Variants in MED12L observed in about 807,000 individuals in gnomAD.
The protein encoded by MED12L is mediator complex subunit 12L.
MED12L carries 60 observed loss-of-function variants against 281.3 expected under a neutral mutation model. The ratio of observed to expected loss-of-function variants is 0.21; its 90% CI spans 0.17 to 0.26. The LOEUF is 0.26. Among genes scored for constraint, MED12L ranks in the 10% least tolerant of loss-of-function variants. The probability of loss-of-function intolerance (pLI) is 1.00; values close to 1 mark genes in which losing one functional copy is unlikely to be tolerated. For synonymous variants in MED12L, 974 were observed against 987.2 expected (o/e 0.99, Z 0.25); for missense variants, 2,146 against 2,680.9 (o/e 0.80, Z 4.41).
intron 38 of MED12L, among the ~76,000 whole-genome samples, chr3:151,391,600 CAAAA>C (rs1164704295): frequency 6.6e-6 from 1 of 151,824 alleles, no homozygotes; most frequent in Non-Finnish European, 1.5e-5. Context: ...AAAAGAATCA[CAAAA>C]AAAACTCGTA....
chr3:151,162,135 T>C (rs1395736674), intron 8 of MED12L, among the ~76,000 whole-genome samples: 2 of 152,208 alleles, frequency 1.3e-5, no homozygotes, highest in Admixed American at 1.3e-4. Context: ...AATGTATTTT[T>C]GGGCTAAGAG....
chr3:151,228,826 A>T (rs1006454644), intron 16 of MED12L, among the ~76,000 whole-genome samples: 2 of 152,050 alleles, frequency 1.3e-5, no homozygotes, highest in African/African-American at 2.4e-5. Flanking sequence ...GAATTACTGA[A>T]TTTTTTCCAG....
At chr3:151,170,223 G>GT (rs1352005022) in intron 11 of MED12L, among the ~76,000 whole-genome samples, 1 of 151,892 alleles carries the variant, frequency 6.6e-6, no homozygotes, top group Non-Finnish European at 1.5e-5. Context: ...GCCAGGCTAT[G>GT]TGGTGTGCCT....
chr3:151,426,717 G>A (rs1718917506), intron 43 of MED12L, among the ~76,000 whole-genome samples: 1 of 151,920 alleles, frequency 6.6e-6, no homozygotes, highest in African/African-American at 2.4e-5. Context: ...ATATTGTTAT[G>A]TTTAGTACCT....
chr3:151,093,679 G>A (rs916867631), intron 2 of MED12L, among the ~76,000 whole-genome samples: 1 of 152,236 alleles, frequency 6.6e-6, no homozygotes, highest in Non-Finnish European at 1.5e-5. Flanking sequence ...TATAGCAGAG[G>A]AGAGTTTTAT....
chr3:151,406,947 G>A (rs543192968), intron 39 of MED12L, among the ~76,000 whole-genome samples: 7 of 151,964 alleles, frequency 4.6e-5, no homozygotes, highest in Non-Finnish European at 1.0e-4. Context: ...CTACAGGCAC[G>A]TGTCAGCACA....
chr3:151,101,078 T>G (rs976665664), intron 2 of MED12L, among the ~76,000 whole-genome samples: 2 of 152,208 alleles, frequency 1.3e-5, no homozygotes, highest in African/African-American at 4.8e-5. Context: ...ACTCTTAGTT[T>G]TTGCACATTT....
intron 16 of MED12L, among the ~76,000 whole-genome samples, chr3:151,342,281 A>G (rs1751953965): frequency 6.6e-6 from 1 of 151,982 alleles, no homozygotes; most frequent in African/African-American, 2.4e-5. Flanking sequence ...GCAGAAACAC[A>G]CCTCCCTGGT....
chr3:151,119,945 G>A (rs897131172), intron 3 of MED12L, among the ~76,000 whole-genome samples: 1 of 151,824 alleles, frequency 6.6e-6, no homozygotes, highest in African/African-American at 2.4e-5. Context: ...CTGGCCGTGT[G>A]TGGTGGCTCA....
intron 16 of MED12L, among the ~76,000 whole-genome samples, chr3:151,236,381 T>C (rs556238316): frequency 6.6e-5 from 10 of 152,222 alleles, no homozygotes; most frequent in Non-Finnish European, 1.2e-4. Flanking sequence ...ATTAGAATAA[T>C]CATAATTCTT....
intron 5 of MED12L, among the ~76,000 whole-genome samples, chr3:151,140,327 C>A (rs1338320425): frequency 6.6e-6 from 1 of 152,174 alleles, no homozygotes; most frequent in African/African-American, 2.4e-5. Context: ...TAACTCAATG[C>A]ACATTGTTGT....
intron 2 of MED12L, among the ~76,000 whole-genome samples, chr3:151,093,753 G>A (rs1408218130): frequency 2.6e-5 from 4 of 152,166 alleles, no homozygotes; most frequent in Non-Finnish European, 5.9e-5. Flanking sequence ...GGGTATAAGC[G>A]AGCAGGTCTT....
intron 5 of MED12L, among the ~76,000 whole-genome samples, chr3:151,139,564 C>A (rs979700644): frequency 3.9e-5 from 6 of 152,132 alleles, no homozygotes; most frequent in Non-Finnish European, 7.4e-5. Flanking sequence ...CCAAGTTTTC[C>A]TTCATAGTAT....
intron 2 of MED12L, among the ~76,000 whole-genome samples, chr3:151,101,932 G>A (rs1374035833): frequency 6.6e-6 from 1 of 152,102 alleles, no homozygotes; most frequent in Non-Finnish European, 1.5e-5. Flanking sequence ...AAGGAAGAGA[G>A]GAGAATAGAC....
intron 31 of MED12L, 85 bp downstream of exon 31, chr3:151,378,258 T>TG: frequency 4.7e-6 from 6 of 1,282,556 alleles, no homozygotes; most frequent in Non-Finnish European, 6.2e-6. Context: ...GTGGTCACTG[T>TG]ACCCACAGTC....
At chr3:151,353,241 G>C (rs1248793316) in intron 17 of MED12L, among the ~76,000 whole-genome samples, 1 of 152,140 alleles carries the variant, frequency 6.6e-6, no homozygotes, top group African/African-American at 2.4e-5. Context: ...CACTTTTAAG[G>C]CATTTTGTGC....
intron 36 of MED12L, among the ~76,000 whole-genome samples, 164 bp downstream of exon 36, chr3:151,385,355 A>C (rs1459790612): frequency 6.6e-6 from 1 of 152,146 alleles, no homozygotes; most frequent in Non-Finnish European, 1.5e-5. Context: ...TTATCATATA[A>C]AGAGGTCATA....
chr3:151,423,277 G>A (rs1417811404), intron 43 of MED12L, among the ~76,000 whole-genome samples: 3 of 151,664 alleles, frequency 2.0e-5, no homozygotes, highest in East Asian at 1.9e-4. Flanking sequence ...GCTCGTTGAC[G>A]TCATCAGCTG....
chr3:151,293,119 T>A (rs561513210), intron 16 of MED12L, among the ~76,000 whole-genome samples: 1 of 152,234 alleles, frequency 6.6e-6, no homozygotes, highest in East Asian at 1.9e-4. Context: ...TTAGATAGAG[T>A]AAGACACTAG....
Sources: allele counts gnomAD v4.1 joint callset (sites outside exome capture counted in the v4.1 genomes callset), GRCh38; gene constraint gnomAD v4.1.1; transcripts MANE v1.5; gene names NCBI Gene and HGNC (gene_info 2026-07-23, HGNC 2026-07-21).